UHMK1: variants seen among roughly 807,000 people sequenced by gnomAD.
The protein encoded by UHMK1 is U2AF homology motif kinase 1, also known as serine/threonine-protein kinase Kist.
Under a neutral mutation model 44.0 loss-of-function variants are expected in UHMK1, and 18 were observed. The ratio of observed to expected loss-of-function variants is 0.41; its 90% CI spans 0.28 to 0.61. The LOEUF is 0.61. UHMK1 is among the 20% of genes least tolerant of loss of function. The pLI, the probability that UHMK1 is intolerant of heterozygous loss-of-function variation, is 0.31. For synonymous variants in UHMK1, 231 were observed against 198.5 expected (o/e 1.16, Z -1.38); for missense variants, 463 against 522.5 (o/e 0.89, Z 1.11).
Position 162,503,809 on chromosome 1 carries a change from C to T in UHMK1, c.809C>T (p.Ala270Val). ...HIFASKAVVN[A>V]AIPAYHLRDL... is the part of the protein sequence containing the mutation. ...TTTGCCAGTAAAGCAGTGGTGAATGCCGCAATTCCAGCCTATCACCTAAGA... is the reference window on the plus strand; with the variant it reads ...TTTGCCAGTAAAGCAGTGGTGAATGTCGCAATTCCAGCCTATCACCTAAGA... Residue 270 changes from alanine (A) to valine (V), a missense_variant, in exon 4 of 8, where the codon GCC becomes GTC. By Grantham distance (64) the Ala-to-Val change is moderately conservative. Around this residue, in one of 3 missense-constraint regions of UHMK1, gnomAD observed 264 missense variants for 326.3 expected, o/e 0.81. Transcript: ENST00000489294. The T allele has an allele frequency of 6.2e-7, 1 of 1,614,074 alleles. No individual in the cohort carries two copies. The highest frequency in any genetic ancestry group is 8.5e-7 in the Non-Finnish European group (1 of 1,179,996).
chr1:162,501,565 A>G (rs185671427), intron 3 of UHMK1, among the ~76,000 whole-genome samples: 3 of 152,292 alleles, frequency 2.0e-5, no homozygotes, highest in Admixed American at 1.3e-4. Flanking sequence ...ACCAACTCCT[A>G]TGGCTATCAA....
chr1:162,509,406 T>C (rs74540749), intron 4 of UHMK1, among the ~76,000 whole-genome samples: 11,881 of 152,292 alleles, frequency 0.078, 645 homozygotes, highest in Non-Finnish European at 0.11. Flanking sequence ...CAACCTCTTA[T>C]GATTTTACAA....
chr1:162,520,809 A>AG (rs1242830745), intron 7 of UHMK1, among the ~76,000 whole-genome samples: 2 of 152,150 alleles, frequency 1.3e-5, no homozygotes, highest in African/African-American at 4.8e-5. Flanking sequence ...ATTCTGAACT[A>AG]GGGCGAGGTA....
chr1:162,525,347 A>G lies in UHMK1; in HGVS notation c.*2797A>G, dbSNP rs1056677686. On this transcript the variant is annotated 3_prime_UTR_variant, in exon 8 of 8. Coordinates refer to ENST00000489294, the MANE Select transcript of UHMK1 (RefSeq NM_175866.5). The stretch of plus-strand genomic sequence containing the variant: ...TGAGGGTTCATGTCACTTAACCCCT[A>G]CCCTTTTGGGCAAATTTTGTCTCAG... 2 of 152,126 alleles carry G rather than the reference A, an allele frequency of 1.3e-5. No homozygotes were observed. The highest frequency in any genetic ancestry group is 2.9e-5 in the Non-Finnish European group (2 of 68,016). 9.4% of individuals were successfully genotyped at this position (152,126 alleles called of 1,614,324 possible). A position where few individuals can be genotyped will look rare whatever the true frequency, so the allele number is the denominator to read the frequency against.
intron 7 of UHMK1, among the ~76,000 whole-genome samples, chr1:162,519,732 A>G (rs1651986431): frequency 6.6e-6 from 1 of 152,082 alleles, no homozygotes; most frequent in African/African-American, 2.4e-5. Context: ...TCTTGACACT[A>G]TTGACATTGA....
chr1:162,505,148 T>C (rs533176353), intron 4 of UHMK1, among the ~76,000 whole-genome samples: 2 of 152,216 alleles, frequency 1.3e-5, no homozygotes, highest in Non-Finnish European at 2.9e-5. Context: ...TTTTTCTTTA[T>C]CTTATTTACT....
At position 162,518,639 on chromosome 1, in the gene UHMK1, G is replaced by A. The variant is rs187036058; in HGVS notation, c.1113+449G>A. Among the ~76,000 whole-genome samples the A allele has an allele frequency of 1.4e-3, 215 of 150,836 alleles. 1 individual carries two copies. The highest frequency in any genetic ancestry group is 5.0e-3 in the African/African-American group (206 of 41,074). ...AGAGGTTGCAGTGAGCCAAGATCCT[G>A]CCACTGCACTCCAGCCTGGGCCAGG... On this transcript the variant is annotated intron_variant, in intron 7 of 7. Coordinates refer to ENST00000489294, the MANE Select transcript of UHMK1 (RefSeq NM_175866.5).
chr1:162,500,373 C>G, intron 2 of UHMK1, 126 bp downstream of exon 2: 1 of 1,114,660 alleles, frequency 9.0e-7, no homozygotes, highest in Non-Finnish European at 1.2e-6. Context: ...ACTGAAATGC[C>G]AGGGGATGCA....
intron 4 of UHMK1, among the ~76,000 whole-genome samples, chr1:162,506,690 C>T (rs1306933786): frequency 6.6e-6 from 1 of 152,050 alleles, no homozygotes; most frequent in African/African-American, 2.4e-5. Context: ...TGGTGAAACC[C>T]CGTCTCTACT....
intron 4 of UHMK1, among the ~76,000 whole-genome samples, chr1:162,511,629 T>C (rs546906055): frequency 3.3e-5 from 5 of 152,340 alleles, no homozygotes; most frequent in African/African-American, 1.2e-4. Context: ...TGTTTTTGTT[T>C]TTGTTGCTTG....
rs544607496 is a variant in UHMK1 at position 162,525,452 on chromosome 1, G to A, written c.*2902G>A. ...AGTTACTTCTTTGGGGTATTACTGTGGCACATTGTACACCCAGAAAAGGCA... is the reference window on the plus strand; with the variant it reads ...AGTTACTTCTTTGGGGTATTACTGTAGCACATTGTACACCCAGAAAAGGCA... On this transcript the variant is annotated 3_prime_UTR_variant, in exon 8 of 8. Transcript: ENST00000489294. 1 of 152,184 alleles carries A rather than the reference G, an allele frequency of 6.6e-6. No homozygotes were observed. Among genetic ancestry groups the A allele is most frequent in the South Asian group, 2.1e-4 (1 of 4,822 alleles). 9.4% of individuals were successfully genotyped at this position (152,184 alleles called of 1,614,324 possible). A position where few individuals can be genotyped will look rare whatever the true frequency, so the allele number is the denominator to read the frequency against.
At position 162,512,833 on chromosome 1, in the gene UHMK1, T is replaced by G. The variant is rs746349875; in HGVS notation, c.1024+10T>G. ...GAAGAGGAATATGAAGGTTAGTGTT[T>G]TCTAAATTATATTTTAATGTGTCTT... On this transcript the variant is annotated intron_variant, in intron 6 of 7. Coordinates refer to ENST00000489294, the MANE Select transcript of UHMK1 (RefSeq NM_175866.5). The G allele has an allele frequency of 6.2e-7, 1 of 1,608,652 alleles. No homozygotes were observed. Among genetic ancestry groups the G allele is most frequent in the Non-Finnish European group, 8.5e-7 (1 of 1,175,578 alleles).
intron 1 of UHMK1, 74 bp downstream of exon 1, chr1:162,498,342 G>A: frequency 6.7e-7 from 1 of 1,493,224 alleles, no homozygotes. Context: ...GCTGTCTGGC[G>A]TTCCATCTTC....
At chr1:162,497,451 G>C (rs191832719), upstream of UHMK1, among the ~76,000 whole-genome samples, 51 of 152,244 alleles carry the variant, frequency 3.3e-4, no homozygotes, top group African/African-American at 1.2e-3. Context: ...AAAGGTCTAG[G>C]CTTCCAGAAT....
At chr1:162,512,617 C>G in intron 5 of UHMK1, 41 bp downstream of exon 5, 1 of 1,602,362 alleles carries the variant, frequency 6.2e-7, no homozygotes, top group Non-Finnish European at 8.5e-7. Context: ...GGTCATTTGA[C>G]AGTCATACAA....
rs1458296010 is a variant in UHMK1 at position 162,512,483 on chromosome 1, C to G, written c.849-17C>G. 6.3e-7 allele frequency: 1 copy of G among 1,589,376 alleles called. No homozygotes were observed. Among genetic ancestry groups the G allele is most frequent in the Non-Finnish European group, 8.5e-7 (1 of 1,171,710 alleles). ...AGATTCAGCAGAAATGATAAGGCAC[C>G]TATTTTTGTGTTTTAGCATGCTTCA... On this transcript the variant is annotated splice_polypyrimidine_tract_variant and intron_variant, in intron 4 of 7. Coordinates refer to ENST00000489294, the MANE Select transcript of UHMK1 (RefSeq NM_175866.5).
chr1:162,503,638 A>G (rs1413817719), intron 3 of UHMK1, 116 bp from the exon 4 acceptor site: 4 of 464,450 alleles, frequency 8.6e-6, no homozygotes, highest in Non-Finnish European at 1.5e-5. Context: ...AAAAGATTGT[A>G]GGCTCTCAGA....
chr1:162,498,170 T>C lies in UHMK1; in HGVS notation c.170T>C (p.Leu57Ser). ...GSPPGALKQFLPPGTTGAAAS... is the reference protein window; with the variant it reads ...GSPPGALKQFSPPGTTGAAAS... ...CCCCCCGGCGCCCTCAAGCAGTTCT[T>C]GCCGCCAGGAACCACCGGGGCTGCG... The change falls in exon 1 of 8, where the codon TTG becomes TCG. Residue 57 changes from leucine to serine, a missense_variant. Physicochemically the swap from Leu to Ser is moderately radical, Grantham distance 145. Coordinates refer to ENST00000489294, the MANE Select transcript of UHMK1 (RefSeq NM_175866.5). 6.2e-7 allele frequency: 1 copy of C among 1,613,174 alleles called. No individual in the cohort carries two copies. Among genetic ancestry groups the C allele is most frequent in the Non-Finnish European group, 8.5e-7 (1 of 1,179,634 alleles).
rs1388707627 is a variant in UHMK1 at position 162,524,096 on chromosome 1, A to T, written c.*1546A>T. 3 of 151,442 alleles carry T rather than the reference A, an allele frequency of 2.0e-5. No homozygotes were observed. 9.4% of individuals were successfully genotyped at this position (151,442 alleles called of 1,614,324 possible). A position where few individuals can be genotyped will look rare whatever the true frequency, so the allele number is the denominator to read the frequency against. ...TTATATACAGGTTATTAATTTTTTTATTTATTTATTTTTTCCTAAGGAAAA... is the reference window on the plus strand; with the variant it reads ...TTATATACAGGTTATTAATTTTTTTTTTTATTTATTTTTTCCTAAGGAAAA... On this transcript the variant is annotated 3_prime_UTR_variant, in exon 8 of 8. Transcript: ENST00000489294.
Sources: gnomAD v4.1 joint callset for allele counts (sites outside exome capture counted in the v4.1 genomes callset) on GRCh38, gnomAD v4.1.1 for gene constraint, gnomAD v4.1.1 regional missense constraint, MANE v1.5 for transcripts, NCBI Gene and HGNC (gene_info 2026-07-23, HGNC 2026-07-21) for gene names.